The following ABHD12 variants were observed in gnomAD, a reference collection of about 807,000 sequenced individuals.
ABHD12 encodes abhydrolase domain containing 12, lysophospholipase.
In ABHD12, 43 loss-of-function variants were observed where a neutral mutation model predicts 58.3. The ratio of observed to expected loss-of-function variants is 0.74; its 90% confidence interval spans 0.58 to 0.95. ABHD12 has a LOEUF of 0.95. ABHD12 is among the 40% of genes least tolerant of loss of function. ABHD12 has a pLI of 0.00. For missense variants in ABHD12, 539 were observed against 537.2 expected (o/e 1.00, Z -0.03); for synonymous variants, 219 against 211.2 (o/e 1.04, Z -0.32).
chr20:25,346,245 T>C (rs1285658764), intron 1 of ABHD12, among the ~76,000 whole-genome samples: 1 of 152,182 alleles, frequency 6.6e-6, no homozygotes, highest in Non-Finnish European at 1.5e-5. Context: ...ACTATATGAC[T>C]CCAACTATAT....
chr20:25,347,091 G>A (rs1375316839), intron 1 of ABHD12, among the ~76,000 whole-genome samples: 1 of 152,168 alleles, frequency 6.6e-6, no homozygotes, highest in Non-Finnish European at 1.5e-5. Flanking sequence ...ACTTGAGATG[G>A]AAACAAAAGT....
intron 1 of ABHD12, among the ~76,000 whole-genome samples, chr20:25,353,045 T>C (rs1156261365): frequency 2.0e-5 from 3 of 152,154 alleles, no homozygotes; most frequent in Non-Finnish European, 4.4e-5. Flanking sequence ...CCTCCAAAAT[T>C]GGTGATTTTA....
downstream of ABHD12, chr20:25,300,120 A>C: frequency 1.2e-6 from 1 of 868,142 alleles, no homozygotes; most frequent in Non-Finnish European, 1.4e-6. Context: ...TGAGTCATGG[A>C]GTGGCTCCAA....
chr20:25,331,015 C>T (rs1488627860), intron 2 of ABHD12, among the ~76,000 whole-genome samples: 3 of 152,276 alleles, frequency 2.0e-5, no homozygotes, highest in African/African-American at 4.8e-5. Flanking sequence ...CAAATTACTC[C>T]AAGCTACGGG....
intron 1 of ABHD12, among the ~76,000 whole-genome samples, chr20:25,348,393 G>A (rs960505266): frequency 6.9e-6 from 1 of 145,596 alleles, no homozygotes; most frequent in Non-Finnish European, 1.5e-5. Flanking sequence ...AGAATACTAT[G>A]TACTTTGCTA....
intron 2 of ABHD12, 28 bp from the exon 3 acceptor site, chr20:25,323,458 G>A: frequency 7.1e-7 from 1 of 1,406,914 alleles, no homozygotes; most frequent in Non-Finnish European, 1.0e-6. Flanking sequence ...ATGGAAATTA[G>A]GATTACTGGT....
At chr20:25,319,042 C>T (rs2089017269) in intron 4 of ABHD12, among the ~76,000 whole-genome samples, 2 of 152,362 alleles carry the variant, frequency 1.3e-5, no homozygotes, top group African/African-American at 2.4e-5. Flanking sequence ...TGCCCCCAGC[C>T]CTGACATACC....
intron 1 of ABHD12, among the ~76,000 whole-genome samples, chr20:25,345,862 T>G (rs1338790234): frequency 6.6e-6 from 1 of 152,144 alleles, no homozygotes; most frequent in Non-Finnish European, 1.5e-5. Flanking sequence ...CACAGACACT[T>G]GGGAAGACAG....
At chr20:25,341,418 CTTTT>C (rs1346797660) in intron 1 of ABHD12, among the ~76,000 whole-genome samples, 1,697 of 152,318 alleles carry the variant, frequency 0.011, 32 homozygotes, top group African/African-American at 0.036. Flanking sequence ...CATGATCTAG[CTTTT>C]CAATGAGGGT....
chr20:25,351,315 G>A (rs528738052), intron 1 of ABHD12, among the ~76,000 whole-genome samples: 1 of 152,260 alleles, frequency 6.6e-6, no homozygotes, highest in East Asian at 1.9e-4. Context: ...TGTGCTTGAT[G>A]AACCCATAAT....
intron 2 of ABHD12, among the ~76,000 whole-genome samples, chr20:25,331,263 T>C (rs556403934): frequency 6.6e-6 from 1 of 152,108 alleles, no homozygotes; most frequent in Admixed American, 6.5e-5. Context: ...GAAAAAAGAA[T>C]AAAAAGAAAC....
chr20:25,309,383 G>A, intron 7 of ABHD12, 63 bp downstream of exon 7: 1 of 1,610,780 alleles, frequency 6.2e-7, no homozygotes, highest in African/African-American at 1.3e-5. Flanking sequence ...TCTAGATCCA[G>A]GCATGGGAGT....
chr20:25,302,267 T>C lies in ABHD12; in HGVS notation c.1109A>G (p.Tyr370Cys), dbSNP rs2088650218. 2 of 1,613,830 alleles carry C rather than the reference T, an allele frequency of 1.2e-6. No homozygotes were observed. Among genetic ancestry groups the C allele is most frequent in the Non-Finnish European group, 1.7e-6 (2 of 1,180,008 alleles). Residue 370 changes from tyrosine to cysteine, a missense_variant, in exon 12 of 13, where the codon TAC (tyrosine) becomes TGC (cysteine). Transcript: ENST00000339157. ...QFVPFHSDLG[Y>C]RHKYIYKSPE... Reference sequence around the variant, plus strand: ...GCTCTTGTAAATGTATTTGTGCCTGTAGCCAAGGTCTGAATGAAAGGGCAC... The same window carrying C: ...GCTCTTGTAAATGTATTTGTGCCTGCAGCCAAGGTCTGAATGAAAGGGCAC...
At chr20:25,333,333 A>C (rs893881113) in intron 2 of ABHD12, among the ~76,000 whole-genome samples, 3 of 120,420 alleles carry the variant, frequency 2.5e-5, no homozygotes, top group Non-Finnish European at 5.9e-5. Context: ...CCAACCTAAC[A>C]GAGTCCAGGA....
intron 1 of ABHD12, among the ~76,000 whole-genome samples, chr20:25,350,959 T>TCA (rs61061019): frequency 0.011 from 1,544 of 142,242 alleles, 10 homozygotes; most frequent in East Asian, 0.037. Flanking sequence ...TACGAATCCT[T>TCA]CACACACACA....
chr20:25,350,329 GT>G (rs1309199646), intron 1 of ABHD12, among the ~76,000 whole-genome samples: 3 of 152,322 alleles, frequency 2.0e-5, no homozygotes, highest in Admixed American at 6.5e-5. Context: ...ATTTGGCTGT[GT>G]CCCCACCTAA....
At chr20:25,333,479 C>G (rs1324221786) in intron 2 of ABHD12, among the ~76,000 whole-genome samples, 1 of 145,696 alleles carries the variant, frequency 6.9e-6, no homozygotes, top group African/African-American at 2.5e-5. Context: ...CATCCTGATA[C>G]CAAAGCCGGG....
chr20:25,383,975 GAA>G (rs1245206824), intron 1 of ABHD12, among the ~76,000 whole-genome samples: 4 of 82,186 alleles, frequency 4.9e-5, no homozygotes, highest in South Asian at 4.0e-4. Context: ...AAAAAAAAAA[GAA>G]AAAAAAGAAA....
chr20:25,376,071 C>G (rs2089959197), intron 1 of ABHD12, among the ~76,000 whole-genome samples: 1 of 151,978 alleles, frequency 6.6e-6, no homozygotes, highest in Non-Finnish European at 1.5e-5. Context: ...GTAGTGAGCC[C>G]AGATCGCACC....
Sources: allele counts gnomAD v4.1 joint callset (sites outside exome capture counted in the v4.1 genomes callset), GRCh38; gene constraint gnomAD v4.1.1; transcripts MANE v1.5; gene names NCBI Gene and HGNC (gene_info 2026-07-23, HGNC 2026-07-21).